Variants in CAST observed in about 807,000 individuals in gnomAD.
CAST encodes the protein MIR583 host.
A neutral mutation model predicts 119.6 loss-of-function variants in CAST; 76 were observed. That is an observed-to-expected ratio of 0.64 (90% CI 0.53 to 0.77). The LOEUF (loss-of-function observed/expected upper bound fraction) is 0.77. Ranked by LOEUF, CAST falls within the 30% of genes least tolerant of loss-of-function variation. The pLI, the probability that CAST is intolerant of heterozygous loss-of-function variation, is 0.00. For synonymous variants in CAST, 319 were observed against 331.6 expected (o/e 0.96, Z 0.41); for missense variants, 953 against 946.5 (o/e 1.01, Z -0.09).
At chr5:96,353,827 T>C in the CAST span, among the ~76,000 whole-genome samples, 20 of 151,912 alleles carry the variant, frequency 1.3e-4, no homozygotes, top group Non-Finnish European at 2.4e-4. Flanking sequence ...CATCTCAACC[T>C]CCATAATTGC....
the CAST span, among the ~76,000 whole-genome samples, chr5:96,191,603 AAAT>A: frequency 6.6e-6 from 1 of 152,320 alleles, no homozygotes; most frequent in East Asian, 1.9e-4. Flanking sequence ...ATGGAGTATC[AAAT>A]AATAGCTGAG....
At chr5:96,305,044 A>T in the CAST span, among the ~76,000 whole-genome samples, 1 of 152,210 alleles carries the variant, frequency 6.6e-6, no homozygotes, top group African/African-American at 2.4e-5. Context: ...TTTGGGCAGT[A>T]CGGCCATTTT....
the CAST span, chr5:96,395,096 A>G: frequency 3.4e-6 from 4 of 1,183,704 alleles, no homozygotes; most frequent in Non-Finnish European, 5.1e-6. Flanking sequence ...CAAAATAGCT[A>G]AAAAGGATTT....
At chr5:96,306,447 C>T in the CAST span, among the ~76,000 whole-genome samples, 10 of 152,052 alleles carry the variant, frequency 6.6e-5, no homozygotes, top group African/African-American at 2.4e-4. Flanking sequence ...TCTCTATCTC[C>T]TTCAGTTTTG....
chr5:96,289,356 A>G, the CAST span, among the ~76,000 whole-genome samples: 1 of 152,146 alleles, frequency 6.6e-6, no homozygotes, highest in African/African-American at 2.4e-5. Flanking sequence ...GTCCCCACTC[A>G]AATCTCATCT....
intron 1 of CAST, among the ~76,000 whole-genome samples, chr5:96,533,177 T>C (rs892546996): frequency 2.0e-5 from 3 of 152,192 alleles, no homozygotes; most frequent in Non-Finnish European, 2.9e-5. Context: ...ACCCTTCATG[T>C]GTAAAGATGG....
chr5:96,082,579 A>G, the CAST span, among the ~76,000 whole-genome samples: 1 of 152,182 alleles, frequency 6.6e-6, no homozygotes, highest in Non-Finnish European at 1.5e-5. Flanking sequence ...GTAACTTTAT[A>G]TGTGTATCTT....
chr5:96,664,569 C>G (rs1749079423), intron 1 of CAST, among the ~76,000 whole-genome samples: 1 of 152,160 alleles, frequency 6.6e-6, no homozygotes, highest in Admixed American at 6.5e-5. Flanking sequence ...CCTACAGGTG[C>G]TTTTTAAAGC....
the CAST span, among the ~76,000 whole-genome samples, chr5:96,431,447 A>T: frequency 3.4e-4 from 52 of 152,280 alleles, no homozygotes; most frequent in Non-Finnish European, 6.0e-4. Flanking sequence ...TACAACTTCT[A>T]TGATTACACA....
At chr5:96,191,090 C>A in the CAST span, among the ~76,000 whole-genome samples, 18 of 152,192 alleles carry the variant, frequency 1.2e-4, 1 homozygote, top group Non-Finnish European at 2.6e-4. Flanking sequence ...CACAGTAGTC[C>A]ATGGAGCTTA....
At chr5:96,445,568 C>T in the CAST span, among the ~76,000 whole-genome samples, 1 of 152,134 alleles carries the variant, frequency 6.6e-6, no homozygotes, top group Non-Finnish European at 1.5e-5. Flanking sequence ...CATACAGTTT[C>T]TTCATAGATT....
In CAST at chr5:96,774,591, G is replaced by T. The variant is rs933410266; in HGVS notation, c.*1975G>T. 2.8e-5 allele frequency: 28 copies of T among 985,340 alleles called. No individual in the cohort carries two copies. In the African/African-American group the frequency reaches 3.8e-4, roughly 14 times the overall value. 61.0% of individuals were successfully genotyped at this position (985,340 alleles called of 1,614,324 possible). On this transcript the variant is annotated 3_prime_UTR_variant, in exon 32 of 32. Coordinates refer to ENST00000675179, the MANE Select transcript of CAST (RefSeq NM_001750.7). ...CTTTTCCAAAAGCAAACAAAGATAG[G>T]TTCCTCAGGTGACCAAAACTGAAAA...
the CAST span, among the ~76,000 whole-genome samples, chr5:96,209,631 T>C: frequency 6.6e-6 from 1 of 151,932 alleles, no homozygotes; most frequent in African/African-American, 2.4e-5. Context: ...TTAAGAATAT[T>C]GAATATAACC....
At chr5:96,269,385 C>G in the CAST span, among the ~76,000 whole-genome samples, 1 of 152,110 alleles carries the variant, frequency 6.6e-6, no homozygotes, top group African/African-American at 2.4e-5. Flanking sequence ...ACATCCTACT[C>G]TCAGTAATGG....
chr5:96,413,963 CAAAAAA>C, the CAST span, among the ~76,000 whole-genome samples: 80 of 22,428 alleles, frequency 3.6e-3, no homozygotes, highest in Non-Finnish European at 7.8e-3. Flanking sequence ...ACTAAAAATA[CAAAAAA>C]AAAAAAAAAA....
At chr5:96,632,673 ATTT>A (rs1561436054) in intron 1 of CAST, among the ~76,000 whole-genome samples, 46 of 151,270 alleles carry the variant, frequency 3.0e-4, no homozygotes, top group African/African-American at 1.0e-3. Context: ...TCTCAGCGCT[ATTT>A]GTCGAAAAGA....
At chr5:96,322,861 G>A in the CAST span, among the ~76,000 whole-genome samples, 7 of 152,150 alleles carry the variant, frequency 4.6e-5, no homozygotes, top group South Asian at 6.2e-4. Context: ...GATGATGGTA[G>A]AAACCAGAGG....
chr5:96,605,562 G>A (rs571215004), intron 1 of CAST, among the ~76,000 whole-genome samples: 55 of 151,988 alleles, frequency 3.6e-4, no homozygotes, highest in Non-Finnish European at 6.8e-4. Flanking sequence ...TGTATAAAAC[G>A]TTGCTAGCCT....
rs1158722128 is a variant in CAST at position 96,737,939 on chromosome 5, G to C, written c.790G>C (p.Glu264Gln). The C allele has an allele frequency of 5.8e-6, 9 of 1,563,886 alleles. No individual in the cohort carries two copies. Among genetic ancestry groups the C allele is most frequent in the Non-Finnish European group, 7.9e-6 (9 of 1,134,810 alleles). ...AGAAAATACAACGTATACTGGACCA[G>C]AAGTTTCAGTATGTGATCATGATAT... ...EEENTTYTGP[E>Q]VSDPMSSTYI... The change falls in exon 11 of 32, where the codon GAA (glutamate) becomes CAA (glutamine). Residue 264 changes from glutamate to glutamine, a missense_variant. Transcript: ENST00000675179.
Sources: allele counts gnomAD v4.1 joint callset (sites outside exome capture counted in the v4.1 genomes callset), GRCh38; gene constraint gnomAD v4.1.1; transcripts MANE v1.5; gene names NCBI Gene and HGNC (gene_info 2026-07-23, HGNC 2026-07-21).